Variants in MAGI1 observed in about 807,000 individuals in gnomAD.
MAGI1 encodes the protein membrane-associated guanylate kinase, WW and PDZ domain-containing protein 1.
Under a neutral mutation model 139.9 loss-of-function variants are expected in MAGI1, and 58 were observed. The observed-to-expected ratio is 0.41, with a 90% CI of 0.34 to 0.52. The LOEUF (loss-of-function observed/expected upper bound fraction) is 0.52. Among genes scored for constraint, MAGI1 ranks in the 20% least tolerant of loss-of-function variants. The pLI is 0.12. For synonymous variants in MAGI1, 812 were observed against 737.9 expected, an observed-to-expected ratio of 1.10 and a Z score of -1.63; for missense variants, 1,874 against 1,901.6, an observed-to-expected ratio of 0.99 and a Z score of 0.27.
chr3:65,423,314 T>C (rs975239234), intron 12 of MAGI1, among the ~76,000 whole-genome samples: 1 of 152,162 alleles, frequency 6.6e-6, no homozygotes, highest in African/African-American at 2.4e-5. Flanking sequence ...TCTCTGTGCA[T>C]GGCTTACCGT....
chr3:65,706,766 G>A (rs1210464128), intron 1 of MAGI1, among the ~76,000 whole-genome samples: 1 of 152,124 alleles, frequency 6.6e-6, no homozygotes, highest in Non-Finnish European at 1.5e-5. Flanking sequence ...TGGGTGGGTG[G>A]GGGGAACAGT....
At chr3:65,891,522 A>G (rs1384581767) in intron 1 of MAGI1, among the ~76,000 whole-genome samples, 2 of 152,078 alleles carry the variant, frequency 1.3e-5, no homozygotes, top group Non-Finnish European at 2.9e-5. Flanking sequence ...ATTAAGGGAC[A>G]GAAGTATTTT....
chr3:65,505,979 A>T (rs2077269892), intron 2 of MAGI1, among the ~76,000 whole-genome samples: 2 of 152,240 alleles, frequency 1.3e-5, no homozygotes, highest in Non-Finnish European at 2.9e-5. Flanking sequence ...TCAATTTAAC[A>T]GCTGCTTTCA....
Position 65,367,035 on chromosome 3 carries a change from C to T in MAGI1, c.3197-2089G>A, listed in dbSNP as rs1575608406. On this transcript the variant is annotated intron_variant, in intron 18 of 22. Coordinates refer to ENST00000402939, the MANE Select transcript of MAGI1 (RefSeq NM_001033057.2). ...CAAGCTGTATAGCCCATCGCTGTGA[C>T]TCTCCAGAACTTTCATAAACACGTG... Among the ~76,000 whole-genome samples, 3 of 152,174 alleles carry T rather than the reference C, an allele frequency of 2.0e-5. No homozygotes were observed. The East Asian group carries it at 5.8e-4, about 29-fold the overall frequency.
intron 1 of MAGI1, among the ~76,000 whole-genome samples, chr3:65,835,966 C>T (rs1436537072): frequency 2.0e-5 from 3 of 152,118 alleles, no homozygotes; most frequent in Non-Finnish European, 4.4e-5. Context: ...GAGAGCAGAA[C>T]TGAAGTCCAC....
At chr3:65,772,841 T>C (rs1272356128) in intron 1 of MAGI1, among the ~76,000 whole-genome samples, 1 of 152,106 alleles carries the variant, frequency 6.6e-6, no homozygotes, top group East Asian at 1.9e-4. Context: ...CATTTACAAA[T>C]GACAGAAAAG....
At chr3:65,767,940 C>G (rs994258825) in intron 1 of MAGI1, among the ~76,000 whole-genome samples, 1 of 152,138 alleles carries the variant, frequency 6.6e-6, no homozygotes, top group Non-Finnish European at 1.5e-5. Context: ...AAAAACTGAC[C>G]ATTCTGCATG....
chr3:65,378,544 T>G (rs1434791218), intron 17 of MAGI1, among the ~76,000 whole-genome samples: 1 of 152,176 alleles, frequency 6.6e-6, no homozygotes, highest in East Asian at 1.9e-4. Flanking sequence ...CTTAAGACAT[T>G]CTTAAGACCA....
chr3:65,356,472 G>A lies in MAGI1; in HGVS notation c.4295C>T (p.Ala1432Val), dbSNP rs1474945715. Residue 1432 changes from alanine (A) to valine (V), a missense_variant, in exon 23 of 23, where the codon GCG (alanine) becomes GTG (valine). Coordinates refer to ENST00000402939, the MANE Select transcript of MAGI1 (RefSeq NM_001033057.2). The part of the protein sequence containing the change: ...DRASHREREE[A>V]NLKQDAGRSS... ...TCTGCCGGCATCCTGTTTCAGATTC[G>A]CCTCTTCCCTTTCTCGGTGGCTGGC... 4.3e-6 allele frequency: 7 copies of A among 1,611,650 alleles called. No individual in the cohort carries two copies. Among genetic ancestry groups the A allele is most frequent in the African/African-American group, 4.0e-5 (3 of 74,770 alleles).
At chr3:65,807,317 G>A (rs141961216) in intron 1 of MAGI1, among the ~76,000 whole-genome samples, 1 of 152,238 alleles carries the variant, frequency 6.6e-6, no homozygotes, top group East Asian at 1.9e-4. Flanking sequence ...TCAAAACAGA[G>A]CTTTCTTACT....
chr3:65,865,765 A>G (rs567296958), intron 1 of MAGI1, among the ~76,000 whole-genome samples: 1 of 152,238 alleles, frequency 6.6e-6, no homozygotes, highest in South Asian at 2.1e-4. Flanking sequence ...CTCAGCCTCC[A>G]GAGTACCTGG....
chr3:65,407,568 T>C lies in MAGI1; in HGVS notation c.2168-6098A>G, dbSNP rs146892793. ...TTAAAAATGAGCACAACAAAGAATA[T>C]TCAGTGATTGGGGGAAATAATAATG... On this transcript the variant is annotated intron_variant, in intron 12 of 22. Coordinates refer to ENST00000402939, the MANE Select transcript of MAGI1 (RefSeq NM_001033057.2). Among the ~76,000 whole-genome samples the C allele has an allele frequency of 2.1e-3, 326 of 151,944 alleles. 1 individual carries two copies. Among genetic ancestry groups the C allele is most frequent in the African/African-American group, 7.6e-3 (315 of 41,432 alleles).
chr3:65,701,544 C>T (rs191777793), intron 1 of MAGI1, among the ~76,000 whole-genome samples: 122 of 152,282 alleles, frequency 8.0e-4, no homozygotes, highest in African/African-American at 2.4e-3. Flanking sequence ...TGAGTCACCG[C>T]GCCCAGTCCC....
At chr3:65,615,863 T>C (rs1009767385) in intron 2 of MAGI1, among the ~76,000 whole-genome samples, 6 of 152,202 alleles carry the variant, frequency 3.9e-5, no homozygotes, top group African/African-American at 7.2e-5. Flanking sequence ...CATGGTGAAA[T>C]AGGAAACCAC....
At chr3:65,422,069 A>G (rs1253027914) in intron 12 of MAGI1, among the ~76,000 whole-genome samples, 2 of 152,224 alleles carry the variant, frequency 1.3e-5, no homozygotes, top group Non-Finnish European at 2.9e-5. Context: ...CTGAGGGTGC[A>G]ATAATTAAAA....
At chr3:65,819,972 TC>T (rs1337228101) in intron 1 of MAGI1, among the ~76,000 whole-genome samples, 1 of 115,346 alleles carries the variant, frequency 8.7e-6, no homozygotes, top group East Asian at 4.8e-4. Flanking sequence ...GAATTATGTA[TC>T]TTTATATTAA....
intron 1 of MAGI1, among the ~76,000 whole-genome samples, chr3:66,000,503 CAT>C (rs1388142782): frequency 2.0e-5 from 3 of 152,154 alleles, no homozygotes; most frequent in East Asian, 3.9e-4. Context: ...AATCCCAACA[CAT>C]ATACTGTGAT....
chr3:65,578,048 A>G (rs2081253137), intron 2 of MAGI1, among the ~76,000 whole-genome samples: 1 of 152,220 alleles, frequency 6.6e-6, no homozygotes, highest in Admixed American at 6.5e-5. Context: ...TCTACCCAGC[A>G]TGCCTGCTTG....
chr3:65,869,899 C>A (rs2059879185), intron 1 of MAGI1, among the ~76,000 whole-genome samples: 2 of 152,310 alleles, frequency 1.3e-5, no homozygotes, highest in African/African-American at 4.8e-5. Context: ...ACATGTGCAG[C>A]ACGTGGCCCA....
Sources: allele counts gnomAD v4.1 joint callset (sites outside exome capture counted in the v4.1 genomes callset), GRCh38; gene constraint gnomAD v4.1.1; transcripts MANE v1.5; gene names NCBI Gene and HGNC (gene_info 2026-07-23, HGNC 2026-07-21).